LRMDA: variants seen among roughly 807,000 people sequenced by gnomAD.
LRMDA encodes leucine-rich melanocyte differentiation-associated protein.
LRMDA carries 18 observed loss-of-function variants against 29.8 expected under a neutral mutation model. That is an observed-to-expected ratio of 0.60 (90% CI 0.42 to 0.90). The LOEUF (loss-of-function observed/expected upper bound fraction) is 0.90, where lower values mean the gene tolerates loss of function less well. Among genes scored for constraint, LRMDA ranks in the 40% least tolerant of loss-of-function variants. The pLI, the probability that LRMDA is intolerant of heterozygous loss-of-function variation, is 0.00. For synonymous variants in LRMDA, 125 were observed against 109.4 expected, an observed-to-expected ratio of 1.14 and a Z score of -0.89; for missense variants, 273 against 273.9, an observed-to-expected ratio of 1.00 and a Z score of 0.02.
chr10:75,645,039 A>G (rs1228289127), intron 2 of LRMDA, among the ~76,000 whole-genome samples: 1 of 151,010 alleles, frequency 6.6e-6, no homozygotes, highest in Non-Finnish European at 1.5e-5. Context: ...CTAGAGTGCA[A>G]TGGCACGATC....
At chr10:76,223,373 G>A (rs952467823) in intron 5 of LRMDA, among the ~76,000 whole-genome samples, 2 of 152,140 alleles carry the variant, frequency 1.3e-5, no homozygotes, top group African/African-American at 4.8e-5. Flanking sequence ...ATTTCTTGTA[G>A]AGATGAGGAA....
At chr10:75,738,097 A>G (rs1842787338) in intron 2 of LRMDA, among the ~76,000 whole-genome samples, 1 of 152,194 alleles carries the variant, frequency 6.6e-6, no homozygotes, top group Non-Finnish European at 1.5e-5. Flanking sequence ...CATCAGATTC[A>G]TCAAACGCAG....
At chr10:76,033,487 G>A (rs1246259023) in intron 2 of LRMDA, among the ~76,000 whole-genome samples, 3 of 152,070 alleles carry the variant, frequency 2.0e-5, no homozygotes, top group Non-Finnish European at 2.9e-5. Flanking sequence ...GGAGGTGGGC[G>A]CTTCCTTGGT....
At chr10:76,228,970 G>T (rs566272694) in intron 5 of LRMDA, among the ~76,000 whole-genome samples, 40 of 152,282 alleles carry the variant, frequency 2.6e-4, no homozygotes, top group Non-Finnish European at 5.3e-4. Flanking sequence ...CAAGATGTGG[G>T]GAAGGTTAGC....
chr10:75,755,161 G>A (rs1439752605), intron 2 of LRMDA, among the ~76,000 whole-genome samples: 1 of 152,000 alleles, frequency 6.6e-6, no homozygotes, highest in East Asian at 1.9e-4. Flanking sequence ...TGTCAACACA[G>A]ACACAGTCTT....
intron 2 of LRMDA, among the ~76,000 whole-genome samples, chr10:75,873,327 C>T (rs1845143699): frequency 6.6e-6 from 1 of 152,168 alleles, no homozygotes; most frequent in Non-Finnish European, 1.5e-5. Context: ...TCTGGAAAAA[C>T]AGTACAAATG....
At chr10:76,545,683 T>TA (rs978469610) in intron 6 of LRMDA, among the ~76,000 whole-genome samples, 1 of 121,744 alleles carries the variant, frequency 8.2e-6, no homozygotes, top group Non-Finnish European at 1.9e-5. Context: ...TGTTATTATT[T>TA]AGGTATCATT....
chr10:76,487,388 T>G (rs538383581), intron 6 of LRMDA, among the ~76,000 whole-genome samples: 16 of 151,898 alleles, frequency 1.1e-4, no homozygotes, highest in African/African-American at 3.9e-4. Context: ...ATAGAAGAGA[T>G]ATTATTGAGG....
At chr10:75,450,482 T>C (rs933876133) in intron 2 of LRMDA, 1 of 149,020 alleles carries the variant, frequency 6.7e-6, no homozygotes, top group Non-Finnish European at 1.5e-5. Context: ...AAAAAAAAAA[T>C]CACCAAACCA....
At chr10:75,657,753 G>A (rs972429295) in intron 2 of LRMDA, among the ~76,000 whole-genome samples, 1 of 152,150 alleles carries the variant, frequency 6.6e-6, no homozygotes, top group Non-Finnish European at 1.5e-5. Context: ...GGGCAAACTG[G>A]TGGGCAAATT....
intron 2 of LRMDA, among the ~76,000 whole-genome samples, chr10:75,616,282 CAGT>C (rs981273326): frequency 2.0e-5 from 3 of 150,962 alleles, no homozygotes; most frequent in African/African-American, 7.4e-5. Context: ...GCAGCAGCAG[CAGT>C]AGTAGTAGTA....
chr10:76,246,707 T>C (rs1852384809), intron 5 of LRMDA, among the ~76,000 whole-genome samples: 1 of 152,164 alleles, frequency 6.6e-6, no homozygotes, highest in Non-Finnish European at 1.5e-5. Flanking sequence ...AGCAAGAGCT[T>C]TGTCAACTGC....
intron 2 of LRMDA, among the ~76,000 whole-genome samples, chr10:75,860,188 T>C (rs1844899455): frequency 6.6e-6 from 1 of 152,124 alleles, no homozygotes; most frequent in South Asian, 2.1e-4. Context: ...AGAGGTCGCC[T>C]TGTGCAAGAG....
intron 6 of LRMDA, among the ~76,000 whole-genome samples, chr10:76,373,416 T>C (rs1013392965): frequency 6.6e-6 from 1 of 152,124 alleles, no homozygotes; most frequent in Non-Finnish European, 1.5e-5. Flanking sequence ...ATATGTATCA[T>C]AGTAATATTG....
rs151137968 is a variant in LRMDA, at chr10:76,466,957, A to G, written c.602-90252A>G. Among the ~76,000 whole-genome samples, 445 of 152,322 alleles carry G rather than the reference A, an allele frequency of 2.9e-3. 2 individuals carry two copies. Among genetic ancestry groups the G allele is most frequent in the African/African-American group, 9.6e-3 (399 of 41,588 alleles). ...ACATGAATTCTAATGGCTGCAGAGT[A>G]TATTCCATCATAAGGATGTATCATC... On this transcript the variant is annotated intron_variant, in intron 6 of 6. Transcript: ENST00000611255.
At chr10:76,171,954 G>A (rs976852457) in intron 5 of LRMDA, among the ~76,000 whole-genome samples, 1 of 152,190 alleles carries the variant, frequency 6.6e-6, no homozygotes, top group Non-Finnish European at 1.5e-5. Context: ...CTGGGCAGCT[G>A]CATCTAGTGA....
At chr10:76,118,209 T>C (rs1330281293) in intron 5 of LRMDA, among the ~76,000 whole-genome samples, 4 of 152,218 alleles carry the variant, frequency 2.6e-5, no homozygotes, top group Non-Finnish European at 5.9e-5. Context: ...TGTACATTCA[T>C]GTAAATTAGA....
intron 2 of LRMDA, among the ~76,000 whole-genome samples, chr10:75,841,101 C>T (rs1589225087): frequency 6.6e-6 from 1 of 152,186 alleles, no homozygotes. Context: ...GAGTGCCAGG[C>T]ATTCACTTTG....
At chr10:76,125,780 G>A (rs778308072) in intron 5 of LRMDA, among the ~76,000 whole-genome samples, 3 of 152,140 alleles carry the variant, frequency 2.0e-5, no homozygotes, top group Non-Finnish European at 2.9e-5. Flanking sequence ...TGACTGTCTC[G>A]ACCTCCTCAG....
Sources: allele counts gnomAD v4.1 joint callset (sites outside exome capture counted in the v4.1 genomes callset), GRCh38; gene constraint gnomAD v4.1.1; transcripts MANE v1.5; gene names NCBI Gene and HGNC (gene_info 2026-07-23, HGNC 2026-07-21).